EBF3: variants seen among roughly 807,000 people sequenced by gnomAD.
EBF3 encodes EBF transcription factor 3, also known as transcription factor COE3.
Under a neutral mutation model 77.1 loss-of-function variants are expected in EBF3, and 18 were observed. The ratio of observed to expected loss-of-function variants is 0.23; its 90% confidence interval spans 0.16 to 0.35. The LOEUF is 0.35. Among genes scored for constraint, EBF3 ranks in the 10% least tolerant of loss-of-function variants. The pLI is 1.00. For missense variants in EBF3, 558 were observed against 860.0 expected, an observed-to-expected ratio of 0.65 and a Z score of 4.39; for synonymous variants, 350 against 343.5, an observed-to-expected ratio of 1.02 and a Z score of -0.21.
Position 129,897,183 on chromosome 10 carries a change from GGT to G in EBF3, c.555-19336_555-19335del, listed in dbSNP as rs1052674625. On this transcript the variant is annotated intron_variant, in intron 6 of 16. Transcript: ENST00000440978. The surrounding 1 kb of genome is among the most constrained non-coding windows in gnomAD (Gnocchi z 4.6). ...GCACTGTGGTCACAGACACACTCGCGGTGTACACGGGCCCTCCACGCAGCCAG... is the reference window on the plus strand; with the variant it reads ...GCACTGTGGTCACAGACACACTCGCGGTACACGGGCCCTCCACGCAGCCAG... Among the ~76,000 whole-genome samples the G allele has an allele frequency of 1.1e-4, 17 of 152,158 alleles. No homozygotes were observed. Among genetic ancestry groups the G allele is most frequent in the African/African-American group, 3.6e-4 (15 of 41,436 alleles).
chr10:129,866,043 A>G (rs1416547101), intron 10 of EBF3, among the ~76,000 whole-genome samples: 1 of 152,256 alleles, frequency 6.6e-6, no homozygotes, highest in East Asian at 1.9e-4. Flanking sequence ...ACTGTCCATC[A>G]TTAAAAACAT....
Position 129,848,327 on chromosome 10 carries a change from C to G in EBF3, c.1128+65G>C. ...CCCCTTCCCAGAGCACCTGCTGCCC[C>G]CAAACCAGAACCAGCCCAGTGGCGG... is the stretch of plus-strand genomic sequence containing the variant. On this transcript the variant is annotated intron_variant, in intron 11 of 16. Transcript: ENST00000440978. The surrounding 1 kb of genome is among the most constrained non-coding windows in gnomAD (Gnocchi z 4.4). 6.5e-7 allele frequency: 1 copy of G among 1,541,216 alleles called. No homozygotes were observed. The highest frequency in any genetic ancestry group is 1.1e-5 in the South Asian group (1 of 89,656).
At chr10:129,898,556 A>T (rs1328786431) in intron 6 of EBF3, among the ~76,000 whole-genome samples, 1 of 152,188 alleles carries the variant, frequency 6.6e-6, no homozygotes, top group East Asian at 1.9e-4. Flanking sequence ...CACGGTTTGC[A>T]TCCGTCGCCC....
intron 4 of EBF3, 56 bp from the exon 5 acceptor site, chr10:129,959,063 AAATC>A: frequency 2.5e-6 from 4 of 1,592,760 alleles, no homozygotes; most frequent in Non-Finnish European, 2.6e-6. Flanking sequence ...CTTTGGCGCC[AAATC>A]GCCCCGGGCG....
Position 129,867,796 on chromosome 10 carries a change from A to T in EBF3, c.898T>A (p.Leu300Met). The part of the protein sequence containing the change: ...DGLQVVFGTM[L>M]VWSELITPHA... ...CGCGGGCTTACCTCGCTCCACACCA[A>T]CATAGTTCCGAATACAACTTGCAGC... The change falls in exon 9 of 17, where the codon TTG becomes ATG. Residue 300 changes from leucine (L) to methionine (M), a missense_variant. Physicochemically the swap from Leu to Met is conservative, Grantham distance 15. Transcript: ENST00000440978. 1 of 1,614,214 alleles carries T rather than the reference A, an allele frequency of 6.2e-7. No individual in the cohort carries two copies. Among genetic ancestry groups the T allele is most frequent in the Non-Finnish European group, 8.5e-7 (1 of 1,180,026 alleles).
intron 10 of EBF3, among the ~76,000 whole-genome samples, chr10:129,849,341 G>A (rs758024555): frequency 6.6e-5 from 10 of 152,198 alleles, no homozygotes; most frequent in Non-Finnish European, 1.0e-4. Flanking sequence ...CGTTTTCCGT[G>A]GAGTCACTCC....
chr10:129,939,935 T>C (rs1857614828), intron 6 of EBF3, among the ~76,000 whole-genome samples: 1 of 152,170 alleles, frequency 6.6e-6, no homozygotes, highest in Non-Finnish European at 1.5e-5. Flanking sequence ...TGCTAGAGGG[T>C]CCCCCATGCC....
intron 6 of EBF3, among the ~76,000 whole-genome samples, chr10:129,900,263 C>T (rs1391586566): frequency 6.6e-6 from 1 of 152,174 alleles, no homozygotes; most frequent in Non-Finnish European, 1.5e-5. Flanking sequence ...GTTAAAAGAC[C>T]TGGTAAATGT....
intron 10 of EBF3, 125 bp downstream of exon 10, chr10:129,867,016 G>A (rs556790475): frequency 4.5e-6 from 6 of 1,330,856 alleles, no homozygotes; most frequent in Admixed American, 6.3e-5. Flanking sequence ...AGGCCAAGGG[G>A]GCTTTGTCTG....
chr10:129,851,279 G>C (rs1050061460), intron 10 of EBF3, among the ~76,000 whole-genome samples: 8 of 152,230 alleles, frequency 5.3e-5, no homozygotes, highest in African/African-American at 1.9e-4. Context: ...AGCTCAAGTC[G>C]GGGATGAAGA....
intron 4 of EBF3, among the ~76,000 whole-genome samples, chr10:129,960,894 G>A (rs555714887): frequency 6.6e-6 from 1 of 152,254 alleles, no homozygotes; most frequent in East Asian, 1.9e-4. Flanking sequence ...CCAGCAGCCG[G>A]AGTTCCAGAG....
intron 10 of EBF3, among the ~76,000 whole-genome samples, chr10:129,859,526 C>A (rs1263156816): frequency 6.6e-6 from 1 of 152,228 alleles, no homozygotes; most frequent in East Asian, 1.9e-4. Context: ...CGCCTAGCCT[C>A]ATTATGCATT....
At chr10:129,903,599 C>T (rs557303960) in intron 6 of EBF3, among the ~76,000 whole-genome samples, 1 of 152,294 alleles carries the variant, frequency 6.6e-6, no homozygotes, top group South Asian at 2.1e-4. Flanking sequence ...CATTGTTTTA[C>T]AAATATTTGT....
rs541040957 is a variant in EBF3, at chr10:129,943,152, G to A, written c.554+14106C>T. On this transcript the variant is annotated intron_variant, in intron 6 of 16. Transcript: ENST00000440978. The surrounding 1 kb of genome is among the most constrained non-coding windows in gnomAD (Gnocchi z 8.8). ...CAACAACTTCCTCCACATAAACAAG[G>A]CCCGCCAGAGCCAGAGAGCTGCCAG... Among the ~76,000 whole-genome samples the A allele has an allele frequency of 6.6e-6, 1 of 152,174 alleles. No individual in the cohort carries two copies.
chr10:129,930,839 T>C (rs1024975843), intron 6 of EBF3, among the ~76,000 whole-genome samples: 4 of 148,454 alleles, frequency 2.7e-5, no homozygotes, highest in Non-Finnish European at 3.0e-5. Context: ...TATATCTGTA[T>C]CTGTCTATAT....
chr10:129,865,263 C>T (rs929390228), intron 10 of EBF3, among the ~76,000 whole-genome samples: 4 of 152,222 alleles, frequency 2.6e-5, no homozygotes, highest in African/African-American at 9.6e-5. Flanking sequence ...AGATGCTGCA[C>T]TTTGTTGCAC....
chr10:129,947,101 G>A lies in EBF3; in HGVS notation c.554+10157C>T, dbSNP rs963266625. On this transcript the variant is annotated intron_variant, in intron 6 of 16. Coordinates refer to ENST00000440978, the MANE Select transcript of EBF3 (RefSeq NM_001375380.1). The surrounding 1 kb of genome is among the most constrained non-coding windows in gnomAD (Gnocchi z 4.5). ...CTTGTTTCCTGACCCAATCTTCCTC[G>A]TGTCAGGGGACGAGCCGCTTCATTG... is the stretch of plus-strand genomic sequence containing the variant. 4.6e-5 allele frequency among the ~76,000 whole-genome samples: 7 copies of A among 152,264 alleles called. No individual in the cohort carries two copies. The South Asian group carries it at 6.2e-4, about 14-fold the overall frequency.
rs886499889 is a variant in EBF3, at chr10:129,943,348, T to A, written c.554+13910A>T. On this transcript the variant is annotated intron_variant, in intron 6 of 16. Coordinates refer to ENST00000440978, the MANE Select transcript of EBF3 (RefSeq NM_001375380.1). This position sits in a 1 kb window ranked among gnomAD's most constrained non-coding sequence, Gnocchi z 8.8. ...TGGATTTGCCCTATCACAAAAAAAATTAATTCCAGATTGTAGTTATTGTCT... is the reference window on the plus strand; with the variant it reads ...TGGATTTGCCCTATCACAAAAAAAAATAATTCCAGATTGTAGTTATTGTCT... Among the ~76,000 whole-genome samples, 5 of 152,178 alleles carry A rather than the reference T, an allele frequency of 3.3e-5. No homozygotes were observed. The highest frequency in any genetic ancestry group is 1.3e-4 in the Admixed American group (2 of 15,286).
chr10:129,852,876 G>A (rs1850991985), intron 10 of EBF3, among the ~76,000 whole-genome samples: 1 of 152,138 alleles, frequency 6.6e-6, no homozygotes, highest in Admixed American at 6.5e-5. Context: ...CACCAGCTGT[G>A]GGAAATCCAC....
Sources: gnomAD v4.1 joint callset for allele counts (sites outside exome capture counted in the v4.1 genomes callset) on GRCh38, gnomAD v4.1.1 for gene constraint, Gnocchi (gnomAD v3.1) non-coding constraint, MANE v1.5 for transcripts, NCBI Gene and HGNC (gene_info 2026-07-23, HGNC 2026-07-21) for gene names.